The following CDV3 variants were observed in gnomAD, a reference collection of about 807,000 sequenced individuals.
CDV3 encodes protein CDV3 homolog.
A neutral mutation model predicts 24.5 loss-of-function variants in CDV3; 14 were observed. The ratio of observed to expected loss-of-function variants is 0.57; its 90% confidence interval spans 0.38 to 0.89. The LOEUF (loss-of-function observed/expected upper bound fraction) is 0.89, where lower values mean the gene tolerates loss of function less well. Ranked by LOEUF, CDV3 falls within the 40% of genes least tolerant of loss-of-function variation. The pLI is 0.00. For missense variants in CDV3, 304 were observed against 310.2 expected, an observed-to-expected ratio of 0.98 and a Z score of 0.15; for synonymous variants, 114 against 114.1, an observed-to-expected ratio of 1.00 and a Z score of 0.00.
chr3:133,585,978 A>G (rs533560653), intron 3 of CDV3, among the ~76,000 whole-genome samples: 6 of 152,346 alleles, frequency 3.9e-5, no homozygotes, highest in African/African-American at 1.4e-4. Context: ...AGCCCAGCAG[A>G]TTCCTTTTCT....
chr3:133,577,416 A>C (rs550142724), intron 2 of CDV3, among the ~76,000 whole-genome samples: 1 of 150,568 alleles, frequency 6.6e-6, no homozygotes, highest in Non-Finnish European at 1.5e-5. Flanking sequence ...GCTGGAGTGC[A>C]ATGGTGCGAT....
At position 133,576,841 on chromosome 3, in the gene CDV3, C is replaced by CTTTTTTTT. The variant is rs370619351; in HGVS notation, c.317+1742_317+1749dup. ...TCTGTTCAACCTGAAGGTAGACTAG[C>CTTTTTTTT]TTTTTTTTTTTTTTTTTTTTTTTGA... On this transcript the variant is annotated intron_variant, in intron 2 of 4. Transcript: ENST00000264993. Among the ~76,000 whole-genome samples the CTTTTTTTT allele has an allele frequency of 8.5e-3, 531 of 62,348 alleles. 150 individuals carry two copies. The highest frequency in any genetic ancestry group is 0.028 in the African/African-American group (417 of 14,698). 40.9% of individuals were successfully genotyped at this position (62,348 alleles called of 152,430 possible). A position where few individuals can be genotyped will look rare whatever the true frequency, so the allele number is the denominator to read the frequency against.
In CDV3 at chr3:133,573,886, G is replaced by A. The variant is rs2074699460; in HGVS notation, c.-159G>A. On this transcript the variant is annotated 5_prime_UTR_variant, in exon 1 of 5. Transcript: ENST00000264993. Reference sequence around the variant, plus strand: ...CACCGCTCGCCAGCACGCAGGGGGAGCCGCCCGTCTCGCCGCGCACGCCTC... The same window carrying A: ...CACCGCTCGCCAGCACGCAGGGGGAACCGCCCGTCTCGCCGCGCACGCCTC... 1 of 395,362 alleles carries A rather than the reference G, an allele frequency of 2.5e-6. No individual in the cohort carries two copies. Among genetic ancestry groups the A allele is most frequent in the Non-Finnish European group, 3.4e-6 (1 of 290,968 alleles). 24.5% of individuals were successfully genotyped at this position (395,362 alleles called of 1,614,324 possible).
chr3:133,574,403 G>T (rs2107686085), intron 1 of CDV3, 119 bp downstream of exon 1: 3 of 962,668 alleles, frequency 3.1e-6, no homozygotes, highest in South Asian at 9.6e-5. Context: ...GGACGGGCGC[G>T]GGCCGCCACG....
chr3:133,588,055 C>T lies in CDV3; in HGVS notation c.*9C>T, dbSNP rs745487433. ...ACTCACAATACAATTAAGGAATGGG[C>T]TTTGCTAACCCTTCTGAGGTAACTA... On this transcript the variant is annotated 3_prime_UTR_variant, in exon 5 of 5. Transcript: ENST00000264993. 6.2e-7 allele frequency: 1 copy of T among 1,610,198 alleles called. No individual in the cohort carries two copies. The highest frequency in any genetic ancestry group is 1.7e-5 in the Admixed American group (1 of 58,862).
intron 1 of CDV3, 38 bp downstream of exon 1, chr3:133,574,322 G>C: frequency 1.1e-6 from 1 of 928,700 alleles, no homozygotes; most frequent in Non-Finnish European, 1.3e-6. Context: ...GGCCCGGGCC[G>C]CGCGCCGGCG....
In CDV3 at chr3:133,590,009, TAA is replaced by T. The variant is rs1188062251; in HGVS notation, c.*1964_*1965del. On this transcript the variant is annotated 3_prime_UTR_variant, in exon 5 of 5. Coordinates refer to ENST00000264993, the MANE Select transcript of CDV3 (RefSeq NM_017548.5). ...TGTTACTGAAGAATGAACAGATGAG[TAA>T]GTGGAGGTGTTATGTAAAGGCATAT... 1 of 152,124 alleles carries T rather than the reference TAA, an allele frequency of 6.6e-6. No individual in the cohort carries two copies. Among genetic ancestry groups the T allele is most frequent in the Non-Finnish European group, 1.5e-5 (1 of 68,030 alleles). 9.4% of individuals were successfully genotyped at this position (152,124 alleles called of 1,614,324 possible).
rs1933833777 is a variant in CDV3, at chr3:133,588,547, A to G, written c.*501A>G. On this transcript the variant is annotated 3_prime_UTR_variant, in exon 5 of 5. Transcript: ENST00000264993. ...TCTGGGTTCTGATCTGCTGTAAAAG[A>G]TGAAGATTTAAGTGACCTTAATTAA... The G allele has an allele frequency of 1.5e-6, 1 of 646,254 alleles. No homozygotes were observed. The highest frequency in any genetic ancestry group is 2.7e-6 in the Non-Finnish European group (1 of 373,572). The allele number at this position is 646,254 out of a possible 1,614,324, so 40.0% of individuals were successfully genotyped here. A position where few individuals can be genotyped will look rare whatever the true frequency, so the allele number is the denominator to read the frequency against.
intron 1 of CDV3, 69 bp downstream of exon 1, chr3:133,574,353 C>T (rs2074718031): frequency 7.6e-6 from 7 of 923,234 alleles, no homozygotes; most frequent in African/African-American, 1.8e-5. Flanking sequence ...CCGCCCCCGC[C>T]TGCCGGGGAA....
intron 2 of CDV3, 48 bp downstream of exon 2, chr3:133,575,163 T>G (rs377036869): frequency 5.5e-5 from 55 of 1,002,426 alleles, no homozygotes; most frequent in Non-Finnish European, 8.3e-5. Context: ...GGATAGATAT[T>G]GGATACAAGT....
At position 133,576,683 on chromosome 3, in the gene CDV3, T is replaced by G. The variant is rs1445517052; in HGVS notation, c.317+1568T>G. Among the ~76,000 whole-genome samples the G allele has an allele frequency of 2.0e-5, 3 of 152,130 alleles. No homozygotes were observed. In the East Asian group the frequency reaches 5.8e-4, roughly 29 times the overall value. Reference sequence around the variant, plus strand: ...TCTGTTACTGACTATAAATTACATGTTCATCTTCAGGGTTATTTTGATCTT... The same window carrying G: ...TCTGTTACTGACTATAAATTACATGGTCATCTTCAGGGTTATTTTGATCTT... On this transcript the variant is annotated intron_variant, in intron 2 of 4. Transcript: ENST00000264993.
Position 133,574,147 on chromosome 3 carries a change from GC to G in CDV3, c.104del (p.Ala35GlyfsTer44). Reference sequence around the variant, plus strand: ...CCGGGCGGCGAGTGCCGCGGGCGCAGCGGGCAGCGCCGGCGGAAGCAGTGGA... The same window carrying G: ...CCGGGCGGCGAGTGCCGCGGGCGCAGGGGCAGCGCCGGCGGAAGCAGTGGA... ...SNRAASAAGA[A>X]GSAGGSSGAA... On this transcript the variant is annotated frameshift_variant, in exon 1 of 5. Coordinates refer to ENST00000264993, the MANE Select transcript of CDV3 (RefSeq NM_017548.5). LOFTEE classifies it high-confidence loss of function. 8.5e-7 allele frequency: 1 copy of G among 1,175,716 alleles called. No individual in the cohort carries two copies. The highest frequency in any genetic ancestry group is 1.1e-6 in the Non-Finnish European group (1 of 931,050). The allele number at this position is 1,175,716 out of a possible 1,614,324, so 72.8% of individuals were successfully genotyped here.
In CDV3 at chr3:133,588,548, T is replaced by C; in HGVS notation, c.*502T>C. ...CTGGGTTCTGATCTGCTGTAAAAGA[T>C]GAAGATTTAAGTGACCTTAATTAAC... On this transcript the variant is annotated 3_prime_UTR_variant, in exon 5 of 5. Transcript: ENST00000264993. 3.1e-6 allele frequency: 2 copies of C among 646,552 alleles called. No individual in the cohort carries two copies. Among genetic ancestry groups the C allele is most frequent in the Non-Finnish European group, 5.4e-6 (2 of 373,792 alleles). 40.1% of individuals were successfully genotyped at this position (646,552 alleles called of 1,614,324 possible).
At position 133,574,182 on chromosome 3, in the gene CDV3, TGCGGCGG is replaced by T; in HGVS notation, c.147_153del (p.Gly50ArgfsTer27). ...CCGGCGGAAGCAGTGGAGCCGCGGG[TGCGGCGG>T]GCGGCGGGGCGGGCGCGGGGACCCG... On this transcript the variant is annotated frameshift_variant, in exon 1 of 5. Coordinates refer to ENST00000264993, the MANE Select transcript of CDV3 (RefSeq NM_017548.5). LOFTEE classifies it high-confidence loss of function. 9.7e-7 allele frequency: 1 copy of T among 1,035,406 alleles called. No homozygotes were observed. Among genetic ancestry groups the T allele is most frequent in the Non-Finnish European group, 1.2e-6 (1 of 866,436 alleles). 64.1% of individuals were successfully genotyped at this position (1,035,406 alleles called of 1,614,324 possible). A position where few individuals can be genotyped will look rare whatever the true frequency, so the allele number is the denominator to read the frequency against.
rs1222011183 is a variant in CDV3, at chr3:133,589,455, AAG to A, written c.*1412_*1413del. On this transcript the variant is annotated 3_prime_UTR_variant, in exon 5 of 5. Coordinates refer to ENST00000264993, the MANE Select transcript of CDV3 (RefSeq NM_017548.5). ...TTGAGGAAGCTACCCAGGATTACAG[AAG>A]AGTGTCCACCTAACAAGATGGTCTG... The A allele has an allele frequency of 6.6e-6, 1 of 152,652 alleles. No homozygotes were observed. The highest frequency in any genetic ancestry group is 1.5e-5 in the Non-Finnish European group (1 of 68,046). The allele number at this position is 152,652 out of a possible 1,614,324, so 9.5% of individuals were successfully genotyped here.
intron 1 of CDV3, chr3:133,574,766 A>C: frequency 8.9e-7 from 1 of 1,118,552 alleles, no homozygotes; most frequent in Non-Finnish European, 1.1e-6. Flanking sequence ...TGTAGTTGTG[A>C]AATTCCTATT....
At chr3:133,581,190 C>T (rs1233834060) in intron 2 of CDV3, among the ~76,000 whole-genome samples, 2 of 152,020 alleles carry the variant, frequency 1.3e-5, no homozygotes, top group African/African-American at 4.8e-5. Context: ...CAAGACCAGC[C>T]TGGGCAAGAC....
rs1180626782 is a variant in CDV3 at position 133,573,953 on chromosome 3, T to TGAGC, written c.-90_-87dup. 9 of 969,288 alleles carry TGAGC rather than the reference T, an allele frequency of 9.3e-6. No individual in the cohort carries two copies. The highest frequency in any genetic ancestry group is 1.1e-5 in the Non-Finnish European group (9 of 814,018). The allele number at this position is 969,288 out of a possible 1,614,324, so 60.0% of individuals were successfully genotyped here. A position where few individuals can be genotyped will look rare whatever the true frequency, so the allele number is the denominator to read the frequency against. Reference sequence around the variant, plus strand: ...TGAGGCGTCGCCGCGCCCGGCAGCGTGAGCGCAGAGCCGGCCTCGACCCCG... The same window carrying TGAGC: ...TGAGGCGTCGCCGCGCCCGGCAGCGTGAGCGAGCGCAGAGCCGGCCTCGACCCCG... On this transcript the variant is annotated 5_prime_UTR_variant, in exon 1 of 5. Coordinates refer to ENST00000264993, the MANE Select transcript of CDV3 (RefSeq NM_017548.5).
In CDV3 at chr3:133,574,167, C is replaced by T; in HGVS notation, c.123C>T (p.Ser41=). 1.8e-6 allele frequency: 2 copies of T among 1,106,698 alleles called. No individual in the cohort carries two copies. The highest frequency in any genetic ancestry group is 2.2e-6 in the Non-Finnish European group (2 of 898,180). 68.6% of individuals were successfully genotyped at this position (1,106,698 alleles called of 1,614,324 possible). A position where few individuals can be genotyped will look rare whatever the true frequency, so the allele number is the denominator to read the frequency against. ...GCGCAGCGGGCAGCGCCGGCGGAAG[C>T]AGTGGAGCCGCGGGTGCGGCGGGCG... ...AAGAAGSAGG[S]SGAAGAAGGG... is the part of the protein sequence containing the mutation. The change falls in exon 1 of 5, where the codon AGC becomes AGT. Residue 41 remains serine, a synonymous_variant. Coordinates refer to ENST00000264993, the MANE Select transcript of CDV3 (RefSeq NM_017548.5).
Sources: allele counts gnomAD v4.1 joint callset (sites outside exome capture counted in the v4.1 genomes callset), GRCh38; gene constraint gnomAD v4.1.1; transcripts MANE v1.5; gene names NCBI Gene and HGNC (gene_info 2026-07-23, HGNC 2026-07-21).